NBEA: variants seen among roughly 807,000 people sequenced by gnomAD.
NBEA encodes neurobeachin, also known as lysosomal-trafficking regulator 2.
Under a neutral mutation model 343.4 loss-of-function variants are expected in NBEA, and 44 were observed. The ratio of observed to expected loss-of-function variants is 0.13; its 90% CI spans 0.10 to 0.16. NBEA has a LOEUF of 0.16. NBEA is among the 10% of genes least tolerant of loss of function. The probability of loss-of-function intolerance (pLI) is 1.00; values close to 1 mark genes in which losing one functional copy is unlikely to be tolerated. For synonymous variants in NBEA, 1,175 were observed against 1,238.7 expected, an observed-to-expected ratio of 0.95 and a Z score of 1.08; for missense variants, 2,555 against 3,631.3, an observed-to-expected ratio of 0.70 and a Z score of 7.62.
At position 35,056,680 on chromosome 13, in the gene NBEA, A is replaced by G. The variant is rs138958197; in HGVS notation, c.1092+551A>G. Among the ~76,000 whole-genome samples, 1,111 of 152,202 alleles carry G rather than the reference A, an allele frequency of 7.3e-3. 13 individuals carry two copies. Among genetic ancestry groups the G allele is most frequent in the African/African-American group, 0.025 (1,050 of 41,526 alleles). On this transcript the variant is annotated intron_variant, in intron 7 of 58. Coordinates refer to ENST00000379939, the MANE Select transcript of NBEA (RefSeq NM_001385012.1). ...AGGCAGAATAGGAAAGTTCAAGGAA[A>G]AGGCAATTTGTCTGGAGCAGAGGGA...
At chr13:35,568,181 T>A (rs1475680944) in intron 45 of NBEA, among the ~76,000 whole-genome samples, 3 of 152,166 alleles carry the variant, frequency 2.0e-5, no homozygotes, top group Non-Finnish European at 1.5e-5. Flanking sequence ...TTGAAGACTG[T>A]TTGCTAGTTT....
In NBEA at chr13:35,055,344, A is replaced by C. The variant is rs113820108; in HGVS notation, c.973-666A>C. On this transcript the variant is annotated intron_variant, in intron 6 of 58. Coordinates refer to ENST00000379939, the MANE Select transcript of NBEA (RefSeq NM_001385012.1). The stretch of plus-strand genomic sequence containing the variant: ...CTTAAAATGCTTTTTGATACCAGTA[A>C]CTATAAAATGGGCACTTAATATGAA... 4.0e-4 allele frequency among the ~76,000 whole-genome samples: 61 copies of C among 152,248 alleles called. 1 individual carries two copies. The highest frequency in any genetic ancestry group is 1.3e-3 in the African/African-American group (56 of 41,564).
intron 1 of NBEA, among the ~76,000 whole-genome samples, chr13:34,967,646 C>G (rs764712225): frequency 3.9e-5 from 6 of 151,978 alleles, no homozygotes; most frequent in Non-Finnish European, 2.9e-5. Flanking sequence ...GAAAGACTCT[C>G]TAGAACAAAG....
chr13:35,063,499 A>T (rs1367983975), intron 8 of NBEA, among the ~76,000 whole-genome samples: 1 of 152,016 alleles, frequency 6.6e-6, no homozygotes, highest in Admixed American at 6.6e-5. Flanking sequence ...ATTAAAGAAC[A>T]TTGTGACTGT....
chr13:35,442,239 T>C (rs931866601), intron 39 of NBEA, among the ~76,000 whole-genome samples: 1 of 152,198 alleles, frequency 6.6e-6, no homozygotes, highest in African/African-American at 2.4e-5. Context: ...TGTACTCATA[T>C]AGTCACAAAG....
chr13:35,416,662 A>G (rs2043929357), intron 38 of NBEA, among the ~76,000 whole-genome samples: 1 of 152,172 alleles, frequency 6.6e-6, no homozygotes, highest in Admixed American at 6.5e-5. Flanking sequence ...GGATTTTTGC[A>G]TCAATGTTCA....
intron 14 of NBEA, 50 bp downstream of exon 14, chr13:35,117,543 A>T (rs1030508561): frequency 1.1e-6 from 1 of 901,902 alleles, no homozygotes; most frequent in African/African-American, 1.8e-5. Context: ...GGTAGAAAGG[A>T]ATTTCTGGCA....
chr13:35,265,440 C>T (rs2033592438), intron 34 of NBEA, among the ~76,000 whole-genome samples: 1 of 151,756 alleles, frequency 6.6e-6, no homozygotes, highest in South Asian at 2.1e-4. Context: ...AAATTTGAGG[C>T]ATCACATTAG....
intron 40 of NBEA, among the ~76,000 whole-genome samples, chr13:35,455,390 C>A (rs2046522094): frequency 6.8e-6 from 1 of 147,856 alleles, no homozygotes; most frequent in African/African-American, 2.5e-5. Flanking sequence ...AGATCAATTT[C>A]TGTTTATAAA....
intron 1 of NBEA, among the ~76,000 whole-genome samples, chr13:34,960,592 T>C (rs2059631671): frequency 6.6e-6 from 1 of 152,088 alleles, no homozygotes; most frequent in South Asian, 2.1e-4. Flanking sequence ...CCATGTTTTA[T>C]CTTTTATAGT....
intron 1 of NBEA, among the ~76,000 whole-genome samples, chr13:34,991,441 A>G (rs2060746184): frequency 2.0e-5 from 3 of 152,208 alleles, no homozygotes; most frequent in African/African-American, 7.2e-5. Context: ...ATGGCAGAGC[A>G]GGAGAGAGGG....
chr13:34,962,193 T>C (rs1368162349), intron 1 of NBEA, among the ~76,000 whole-genome samples: 1 of 152,046 alleles, frequency 6.6e-6, no homozygotes, highest in Non-Finnish European at 1.5e-5. Flanking sequence ...TTAAGATTTT[T>C]AAATTAGATG....
chr13:35,574,693 C>G (rs2080643311), intron 45 of NBEA, among the ~76,000 whole-genome samples: 4 of 151,972 alleles, frequency 2.6e-5, no homozygotes, highest in African/African-American at 9.7e-5. Context: ...TGAGACCAAC[C>G]TGAGCAACAT....
At chr13:35,666,162 T>C (rs972999827) in intron 56 of NBEA, among the ~76,000 whole-genome samples, 1 of 150,970 alleles carries the variant, frequency 6.6e-6, no homozygotes, top group Non-Finnish European at 1.5e-5. Flanking sequence ...ATTTGCAATT[T>C]TTTTTTAAAT....
intron 1 of NBEA, among the ~76,000 whole-genome samples, chr13:35,031,526 G>A (rs2062217586): frequency 6.6e-6 from 1 of 151,456 alleles, no homozygotes; most frequent in African/African-American, 2.4e-5. Flanking sequence ...CTGGAAGCTG[G>A]GGTGGTTAGA....
chr13:35,162,213 A>G (rs1328902498), intron 23 of NBEA, among the ~76,000 whole-genome samples: 1 of 152,184 alleles, frequency 6.6e-6, no homozygotes, highest in Non-Finnish European at 1.5e-5. Context: ...GTTAGTGGAT[A>G]TCAGTTCAAA....
At chr13:35,570,946 C>A (rs2080378801) in intron 45 of NBEA, among the ~76,000 whole-genome samples, 1 of 152,016 alleles carries the variant, frequency 6.6e-6, no homozygotes, top group Admixed American at 6.6e-5. Context: ...ATAATCAATA[C>A]CGCAAATGAA....
At chr13:35,011,184 T>C (rs1429518717) in intron 1 of NBEA, among the ~76,000 whole-genome samples, 2 of 151,970 alleles carry the variant, frequency 1.3e-5, no homozygotes, top group Non-Finnish European at 2.9e-5. Context: ...CCCTACAGGG[T>C]TAATAGATAG....
intron 38 of NBEA, among the ~76,000 whole-genome samples, chr13:35,393,499 C>T (rs1329665822): frequency 6.6e-6 from 1 of 151,910 alleles, no homozygotes; most frequent in Non-Finnish European, 1.5e-5. Flanking sequence ...AATTGGAATC[C>T]AAAACATCAT....
Sources: gnomAD v4.1 joint callset for allele counts (sites outside exome capture counted in the v4.1 genomes callset) on GRCh38, gnomAD v4.1.1 for gene constraint, MANE v1.5 for transcripts, NCBI Gene and HGNC (gene_info 2026-07-23, HGNC 2026-07-21) for gene names.